The following SPACA7 variants were observed in gnomAD, a reference collection of about 807,000 sequenced individuals.
The protein encoded by SPACA7 is sperm acrosome-associated protein 7.
In SPACA7, 19 loss-of-function variants were observed where a neutral mutation model predicts 26.3. The ratio of observed to expected loss-of-function variants is 0.72; its 90% CI spans 0.50 to 1.06. The LOEUF is 1.06. SPACA7 is among the 50% of genes least tolerant of loss of function. The pLI is 0.00. For missense variants in SPACA7, 211 were observed against 229.9 expected (o/e 0.92, Z 0.53); for synonymous variants, 84 against 84.5 (o/e 0.99, Z 0.04).
At chr13:112,398,858 GCCAAGGT>G (rs1426546261) in intron 3 of SPACA7, among the ~76,000 whole-genome samples, 1 of 152,172 alleles carries the variant, frequency 6.6e-6, no homozygotes, top group Non-Finnish European at 1.5e-5. Flanking sequence ...CCTGCCATCT[GCCAAGGT>G]CCACACTGTT....
chr13:112,411,884 A>T (rs8000954), intron 5 of SPACA7, among the ~76,000 whole-genome samples: 40,442 of 152,068 alleles, frequency 0.27, 6,162 homozygotes, highest in Non-Finnish European at 0.35. Flanking sequence ...GGTCTATTGT[A>T]AATAGAACTG....
intron 5 of SPACA7, among the ~76,000 whole-genome samples, chr13:112,413,057 AT>A (rs996707927): frequency 9.9e-5 from 15 of 152,040 alleles, no homozygotes; most frequent in Non-Finnish European, 2.1e-4. Context: ...TAAAATTATT[AT>A]TTTTTAATAG....
At chr13:112,422,539 G>T (rs1056477170) in intron 5 of SPACA7, among the ~76,000 whole-genome samples, 1 of 152,016 alleles carries the variant, frequency 6.6e-6, no homozygotes, top group African/African-American at 2.4e-5. Context: ...CCATCTTTTT[G>T]ACCACAAAAC....
chr13:112,383,707 T>C (rs1303949922), intron 1 of SPACA7, among the ~76,000 whole-genome samples: 1 of 152,256 alleles, frequency 6.6e-6, no homozygotes, highest in African/African-American at 2.4e-5. Context: ...AGGAACCTTG[T>C]ACAGGGACTC....
chr13:112,430,351 G>A (rs1876978229), intron 5 of SPACA7, among the ~76,000 whole-genome samples: 1 of 152,206 alleles, frequency 6.6e-6, no homozygotes, highest in Non-Finnish European at 1.5e-5. Context: ...GCATAGGGCT[G>A]CATTCAGCTG....
chr13:112,419,322 G>A (rs1477346430), intron 5 of SPACA7, among the ~76,000 whole-genome samples: 1 of 152,106 alleles, frequency 6.6e-6, no homozygotes, highest in African/African-American at 2.4e-5. Context: ...AGAGGCCCCA[G>A]GCACAAGGGG....
chr13:112,383,981 T>A (rs373544108), intron 1 of SPACA7, among the ~76,000 whole-genome samples: 2 of 152,238 alleles, frequency 1.3e-5, no homozygotes, highest in South Asian at 2.1e-4. Context: ...TTGTAAATTT[T>A]GTTCACAGGA....
chr13:112,410,371 A>AT (rs1476444057), intron 5 of SPACA7, among the ~76,000 whole-genome samples: 2,069 of 151,970 alleles, frequency 0.014, 45 homozygotes, highest in African/African-American at 0.048. Flanking sequence ...ACAATTAAAA[A>AT]AATATATATA....
At chr13:112,379,418 A>G (rs1028564530) in intron 1 of SPACA7, among the ~76,000 whole-genome samples, 2 of 152,246 alleles carry the variant, frequency 1.3e-5, no homozygotes, top group African/African-American at 2.4e-5. Context: ...TAAAATGGCC[A>G]TGGTTAAAAA....
intron 5 of SPACA7, among the ~76,000 whole-genome samples, chr13:112,409,381 A>G (rs1886198765): frequency 6.6e-6 from 1 of 152,214 alleles, no homozygotes; most frequent in Non-Finnish European, 1.5e-5. Context: ...TAATTAAACT[A>G]AAGAGCTTCT....
At chr13:112,407,748 T>G (rs1046188974) in intron 5 of SPACA7, among the ~76,000 whole-genome samples, 10 of 152,022 alleles carry the variant, frequency 6.6e-5, no homozygotes, top group Non-Finnish European at 1.5e-4. Flanking sequence ...ACAAAAAAAG[T>G]CCAGGACCAG....
At chr13:112,420,328 G>A (rs1052943525) in intron 5 of SPACA7, among the ~76,000 whole-genome samples, 5 of 151,998 alleles carry the variant, frequency 3.3e-5, no homozygotes, top group Admixed American at 6.6e-5. Context: ...ATAATCTAGT[G>A]GAAAATATGT....
intron 5 of SPACA7, among the ~76,000 whole-genome samples, chr13:112,415,555 A>G (rs944504690): frequency 2.6e-5 from 4 of 151,898 alleles, no homozygotes; most frequent in Non-Finnish European, 4.4e-5. Context: ...CTAGGTTCCA[A>G]TGCAAAGGCC....
intron 5 of SPACA7, among the ~76,000 whole-genome samples, chr13:112,406,854 T>G (rs4907700): frequency 0.66 from 99,795 of 151,974 alleles, 33,306 homozygotes; most frequent in African/African-American, 0.78. Flanking sequence ...ACTCAGCTCT[T>G]CACCAAGAGG....
At chr13:112,400,453 T>A (rs1885565407) in intron 4 of SPACA7, among the ~76,000 whole-genome samples, 1 of 152,192 alleles carries the variant, frequency 6.6e-6, no homozygotes. Context: ...CTGCCCCTCC[T>A]CCCCTGTTTA....
chr13:112,390,066 T>C (rs1566459117), intron 1 of SPACA7, among the ~76,000 whole-genome samples: 3 of 152,034 alleles, frequency 2.0e-5, no homozygotes, highest in Non-Finnish European at 2.9e-5. Flanking sequence ...TCTGGGATTG[T>C]CTGGGTCCAT....
At chr13:112,381,986 T>A (rs1321289350) in intron 1 of SPACA7, among the ~76,000 whole-genome samples, 1 of 152,182 alleles carries the variant, frequency 6.6e-6, no homozygotes, top group African/African-American at 2.4e-5. Flanking sequence ...TTGGGGCTAA[T>A]GTTAGCCCTA....
At chr13:112,393,399 A>G (rs1237858082) in intron 2 of SPACA7, among the ~76,000 whole-genome samples, 2 of 151,230 alleles carry the variant, frequency 1.3e-5, no homozygotes, top group African/African-American at 4.9e-5. Flanking sequence ...CCCAGCGGCA[A>G]GCCGGGCCCA....
chr13:112,430,174 C>CTCTGTGTGTG (rs1366577519), intron 5 of SPACA7, among the ~76,000 whole-genome samples: 62 of 134,314 alleles, frequency 4.6e-4, no homozygotes, highest in African/African-American at 1.3e-3. Flanking sequence ...ATCTCTCTCT[C>CTCTGTGTGTG]TGTGTGTGTG....
Sources: gnomAD v4.1 joint callset for allele counts (sites outside exome capture counted in the v4.1 genomes callset) on GRCh38, gnomAD v4.1.1 for gene constraint, MANE v1.5 for transcripts, NCBI Gene and HGNC (gene_info 2026-07-23, HGNC 2026-07-21) for gene names.